The following F13A1 variants were observed in gnomAD, a reference collection of about 807,000 sequenced individuals.
The protein encoded by F13A1 is FSF, A subunit.
Under a neutral mutation model 80.1 loss-of-function variants are expected in F13A1, and 47 were observed. That is an observed-to-expected ratio of 0.59 (90% CI 0.46 to 0.75). The LOEUF (loss-of-function observed/expected upper bound fraction) is 0.75, where lower values mean the gene tolerates loss of function less well. F13A1 is among the 30% of genes least tolerant of loss of function. F13A1 has a pLI of 0.00. For synonymous variants in F13A1, 349 were observed against 344.9 expected (o/e 1.01, Z -0.13); for missense variants, 817 against 930.4 (o/e 0.88, Z 1.59).
At chr6:6,253,655 A>G (rs1757666158) in intron 4 of F13A1, among the ~76,000 whole-genome samples, 3 of 152,214 alleles carry the variant, frequency 2.0e-5, no homozygotes, top group Admixed American at 1.3e-4. Flanking sequence ...TTATTGTTGT[A>G]TGCCACTAAG....
intron 10 of F13A1, among the ~76,000 whole-genome samples, chr6:6,193,746 G>A (rs1761243307): frequency 6.6e-6 from 1 of 152,168 alleles, no homozygotes; most frequent in Non-Finnish European, 1.5e-5. Context: ...CTTCTTTGCA[G>A]CAATAAAGTG....
chr6:6,235,127 A>AAAAATGAACTC (rs1362987876), intron 6 of F13A1, among the ~76,000 whole-genome samples: 33 of 152,168 alleles, frequency 2.2e-4, no homozygotes, highest in African/African-American at 7.7e-4. Flanking sequence ...CACCATATGT[A>AAAAATGAACTC]AAAATGAACT....
At position 6,266,800 on chromosome 6, in the gene F13A1, G is replaced by A; in HGVS notation, c.329C>T (p.Pro110Leu). ...GATGTAGGTTCCCTTGTTCTCCTGTGGGTAGCGACCTATGAGAAGAGAGAA... is the reference window on the plus strand; with the variant it reads ...GATGTAGGTTCCCTTGTTCTCCTGTAGGTAGCGACCTATGAGAAGAGAGAA... ...FRVEYVIGRY[P>L]QENKGTYIPV... Residue 110 changes from proline (P) to leucine (L), a missense_variant, in exon 4 of 15, where the codon CCA (proline) becomes CTA (leucine). Physicochemically the swap from Pro to Leu is moderately conservative, Grantham distance 98. Transcript: ENST00000264870. 3 of 1,614,116 alleles carry A rather than the reference G, an allele frequency of 1.9e-6. No individual in the cohort carries two copies. Among genetic ancestry groups the A allele is most frequent in the Non-Finnish European group, 2.5e-6 (3 of 1,180,000 alleles).
chr6:6,292,131 A>G (rs1445087590), intron 3 of F13A1, among the ~76,000 whole-genome samples: 1 of 152,208 alleles, frequency 6.6e-6, no homozygotes, highest in African/African-American at 2.4e-5. Context: ...GGAGATGGCC[A>G]TAGTCCAATG....
At chr6:6,216,359 C>G (rs1193730128) in intron 8 of F13A1, among the ~76,000 whole-genome samples, 1 of 151,326 alleles carries the variant, frequency 6.6e-6, no homozygotes, top group Non-Finnish European at 1.5e-5. Flanking sequence ...ACAGAGCTCT[C>G]AGAAATAACG....
intron 8 of F13A1, among the ~76,000 whole-genome samples, chr6:6,202,338 C>T (rs938735712): frequency 6.6e-6 from 1 of 152,130 alleles, no homozygotes; most frequent in Non-Finnish European, 1.5e-5. Flanking sequence ...CTTGCAATTC[C>T]ATCATGCATT....
In F13A1 at chr6:6,211,630, G is replaced by A. The variant is rs151097442; in HGVS notation, c.1112+10403C>T. ...AGTCCAACTAGATGAGTCATACACA[G>A]CATCTAAAATAATGTATAGAAGTGA... On this transcript the variant is annotated intron_variant, in intron 8 of 14. Transcript: ENST00000264870. Among the ~76,000 whole-genome samples, 270 of 152,342 alleles carry A rather than the reference G, an allele frequency of 1.8e-3. 2 individuals carry two copies. Among genetic ancestry groups the A allele is most frequent in the African/African-American group, 6.3e-3 (261 of 41,580 alleles).
intron 8 of F13A1, among the ~76,000 whole-genome samples, chr6:6,200,290 G>A (rs940418672): frequency 6.6e-6 from 1 of 152,114 alleles, no homozygotes; most frequent in African/African-American, 2.4e-5. Context: ...TTAGAGGCTG[G>A]CTACAGTGGC....
intron 3 of F13A1, among the ~76,000 whole-genome samples, chr6:6,275,714 T>G (rs1383819334): frequency 6.6e-6 from 1 of 152,176 alleles, no homozygotes; most frequent in Non-Finnish European, 1.5e-5. Flanking sequence ...CAAACAGTCA[T>G]TCCCTCTAAC....
rs907340742 is a variant in F13A1 at position 6,162,954 on chromosome 6, G to A, written c.1908+4504C>T. Among the ~76,000 whole-genome samples, 9 of 152,186 alleles carry A rather than the reference G, an allele frequency of 5.9e-5. No homozygotes were observed. Among genetic ancestry groups the A allele is most frequent in the South Asian group, 2.1e-4 (1 of 4,826 alleles). On this transcript the variant is annotated intron_variant, in intron 13 of 14. Coordinates refer to ENST00000264870, the MANE Select transcript of F13A1 (RefSeq NM_000129.4). The surrounding 1 kb of genome is among the most constrained non-coding windows in gnomAD (Gnocchi z 4.2). ...ATCAGTAAAATAGGGTTATAGTAAC[G>A]TCCTCCTTGTAGGATGGTATAGAGG... is the stretch of plus-strand genomic sequence containing the variant.
At chr6:6,178,915 A>G (rs62407996) in intron 11 of F13A1, among the ~76,000 whole-genome samples, 11,086 of 152,292 alleles carry the variant, frequency 0.073, 422 homozygotes, top group African/African-American at 0.11. Context: ...TGGTCTTGGC[A>G]ACCTTGAGAA....
Position 6,250,725 on chromosome 6 carries a change from C to T in F13A1, c.690+86G>A, listed in dbSNP as rs997425332. ...GCAGGAAATTGTGCTTGTCTAATAT[C>T]GATATATGGGATCCTGTAGGGATAC... On this transcript the variant is annotated intron_variant, in intron 5 of 14. Coordinates refer to ENST00000264870, the MANE Select transcript of F13A1 (RefSeq NM_000129.4). This position sits in a 1 kb window ranked among gnomAD's most constrained non-coding sequence, Gnocchi z 4.2. 15 of 887,992 alleles carry T rather than the reference C, an allele frequency of 1.7e-5. No homozygotes were observed. The highest frequency in any genetic ancestry group is 4.9e-5 in the African/African-American group (3 of 60,872). The allele number at this position is 887,992 out of a possible 1,614,324, so 55.0% of individuals were successfully genotyped here. A position where few individuals can be genotyped will look rare whatever the true frequency, so the allele number is the denominator to read the frequency against.
chr6:6,151,823 T>C lies in F13A1; in HGVS notation c.2035A>G (p.Lys679Glu). The part of the protein sequence containing the change: ...DGPGVTRPMK[K>E]MFREIRPNST... ...CAACCCAAGGTTTACCGGAACATCT[T>C]CTTCATTGGTCTTGTTACTCCAGGA... is the stretch of plus-strand genomic sequence containing the variant. Residue 679 changes from lysine (K) to glutamate (E), a missense_variant, in exon 14 of 15, where the codon AAG becomes GAG. Lys to Glu is a moderately conservative substitution (Grantham distance 56, BLOSUM62 1). Transcript: ENST00000264870. 6.2e-7 allele frequency: 1 copy of C among 1,614,050 alleles called. No individual in the cohort carries two copies. The highest frequency in any genetic ancestry group is 8.5e-7 in the Non-Finnish European group (1 of 1,179,958).
At position 6,300,911 on chromosome 6, in the gene F13A1, T is replaced by C. The variant is rs188273115; in HGVS notation, c.319+4440A>G. Among the ~76,000 whole-genome samples the C allele has an allele frequency of 6.2e-3, 952 of 152,352 alleles. 1 individual carries two copies. Among genetic ancestry groups the C allele is most frequent in the Non-Finnish European group, 0.01 (691 of 68,036 alleles). ...AGACATTTAGCTGATTGTAAAACGT[T>C]AGCTAAAATGGATCTTCTCTTGAAA... On this transcript the variant is annotated intron_variant, in intron 3 of 14. Coordinates refer to ENST00000264870, the MANE Select transcript of F13A1 (RefSeq NM_000129.4).
intron 3 of F13A1, among the ~76,000 whole-genome samples, chr6:6,273,141 C>CT (rs1757944272): frequency 6.6e-6 from 1 of 152,192 alleles, no homozygotes; most frequent in African/African-American, 2.4e-5. Flanking sequence ...ACCCCTTTTC[C>CT]TATAACAATT....
intron 13 of F13A1, among the ~76,000 whole-genome samples, chr6:6,165,306 C>G (rs1023685102): frequency 6.6e-6 from 1 of 152,172 alleles, no homozygotes; most frequent in Non-Finnish European, 1.5e-5. Context: ...TCTGATTGTG[C>G]CCTGGGGAAT....
chr6:6,266,813 T>C lies in F13A1; in HGVS notation c.320-4A>G, dbSNP rs1757852089. 6.2e-7 allele frequency: 1 copy of C among 1,614,158 alleles called. No homozygotes were observed. Among genetic ancestry groups the C allele is most frequent in the Non-Finnish European group, 8.5e-7 (1 of 1,180,002 alleles). On this transcript the variant is annotated splice_region_variant and splice_polypyrimidine_tract_variant and intron_variant, in intron 3 of 14. Coordinates refer to ENST00000264870, the MANE Select transcript of F13A1 (RefSeq NM_000129.4). Reference sequence around the variant, plus strand: ...TTGTTCTCCTGTGGGTAGCGACCTATGAGAAGAGAGAAGAAATACTCTGTT... The same window carrying C: ...TTGTTCTCCTGTGGGTAGCGACCTACGAGAAGAGAGAAGAAATACTCTGTT...
chr6:6,209,879 G>A (rs1388214369), intron 8 of F13A1, among the ~76,000 whole-genome samples: 2 of 152,146 alleles, frequency 1.3e-5, no homozygotes, highest in African/African-American at 2.4e-5. Flanking sequence ...TGGCAGAGGG[G>A]AGAGAAAATG....
chr6:6,211,714 C>A (rs1037780674), intron 8 of F13A1, among the ~76,000 whole-genome samples: 1 of 152,216 alleles, frequency 6.6e-6, no homozygotes, highest in African/African-American at 2.4e-5. Context: ...TCTACAGCTC[C>A]CAGCGTGAGT....
Sources: gnomAD v4.1 joint callset for allele counts (sites outside exome capture counted in the v4.1 genomes callset) on GRCh38, gnomAD v4.1.1 for gene constraint, Gnocchi (gnomAD v3.1) non-coding constraint, MANE v1.5 for transcripts, NCBI Gene and HGNC (gene_info 2026-07-23, HGNC 2026-07-21) for gene names.